Variants in CLVS1 observed in about 807,000 individuals in gnomAD.
The protein encoded by CLVS1 is clavesin-1.
Under a neutral mutation model 33.1 loss-of-function variants are expected in CLVS1, and 10 were observed. The ratio of observed to expected loss-of-function variants is 0.30; its 90% CI spans 0.19 to 0.51. The LOEUF is 0.51. Among genes scored for constraint, CLVS1 ranks in the 20% least tolerant of loss-of-function variants. CLVS1 has a pLI of 0.97. For synonymous variants in CLVS1, 163 were observed against 166.1 expected, an observed-to-expected ratio of 0.98 and a Z score of 0.14; for missense variants, 343 against 433.4, an observed-to-expected ratio of 0.79 and a Z score of 1.85.
intron 2 of CLVS1, among the ~76,000 whole-genome samples, chr8:61,163,578 A>G (rs1275703151): frequency 6.6e-6 from 1 of 152,170 alleles, no homozygotes; most frequent in African/African-American, 2.4e-5. Flanking sequence ...TGCTCCCAAG[A>G]TGGCAGCAAG....
At chr8:61,227,902 A>G (rs1262037354) in intron 2 of CLVS1, among the ~76,000 whole-genome samples, 1 of 152,234 alleles carries the variant, frequency 6.6e-6, no homozygotes, top group Non-Finnish European at 1.5e-5. Flanking sequence ...TTCATTGAAT[A>G]ATGGAGCAGC....
At chr8:61,394,258 C>T (rs1814428794) in intron 3 of CLVS1, among the ~76,000 whole-genome samples, 1 of 152,116 alleles carries the variant, frequency 6.6e-6, no homozygotes, top group Non-Finnish European at 1.5e-5. Flanking sequence ...TTATCAGTTG[C>T]TTGAGTTGGT....
intron 3 of CLVS1, among the ~76,000 whole-genome samples, chr8:61,387,345 C>T (rs777152908): frequency 2.0e-5 from 3 of 152,082 alleles, no homozygotes; most frequent in Admixed American, 6.5e-5. Flanking sequence ...CAAGATCATG[C>T]CACTGCACTC....
the CLVS1 span, among the ~76,000 whole-genome samples, chr8:60,982,959 C>A: frequency 6.6e-6 from 1 of 152,266 alleles, no homozygotes; most frequent in African/African-American, 2.4e-5. Context: ...AAACCCCCCA[C>A]ACCCCAAACT....
the CLVS1 span, among the ~76,000 whole-genome samples, chr8:60,997,825 C>G: frequency 6.6e-6 from 1 of 152,192 alleles, no homozygotes; most frequent in East Asian, 1.9e-4. Context: ...AGACTTTTTT[C>G]TTTTAAACAG....
At chr8:61,353,454 A>G (rs1782497989) in intron 2 of CLVS1, among the ~76,000 whole-genome samples, 1 of 151,994 alleles carries the variant, frequency 6.6e-6, no homozygotes, top group South Asian at 2.1e-4. Flanking sequence ...TCTATAGATC[A>G]AAGAAGAAGC....
At chr8:61,205,841 A>C (rs1807827670) in intron 2 of CLVS1, among the ~76,000 whole-genome samples, 1 of 152,080 alleles carries the variant, frequency 6.6e-6, no homozygotes, top group Non-Finnish European at 1.5e-5. Flanking sequence ...CTAAACTTAA[A>C]ATTTTTTTTA....
rs538236212 is a variant in CLVS1, at chr8:61,214,557, C to T, written c.-152+82697C>T. 1.3e-4 allele frequency among the ~76,000 whole-genome samples: 20 copies of T among 152,314 alleles called. 1 individual carries two copies. The South Asian group carries it at 3.7e-3, about 28-fold the overall frequency. ...GAAGACACAGGGAGAAGGCAGCCAT[C>T]TAAAGGCCATGAAGAGAGGCCTCAG... On this transcript the variant is annotated intron_variant, in intron 2 of 2. Coordinates refer to the CLVS1 transcript ENST00000522621.
At chr8:61,259,207 C>G (rs993357900) in intron 2 of CLVS1, among the ~76,000 whole-genome samples, 2 of 152,204 alleles carry the variant, frequency 1.3e-5, no homozygotes, top group Admixed American at 6.5e-5. Context: ...TGCTTAGATA[C>G]TTGGAAAGTC....
the CLVS1 span, among the ~76,000 whole-genome samples, chr8:61,027,533 A>G: frequency 8.7e-4 from 133 of 152,284 alleles, 2 homozygotes; most frequent in East Asian, 0.021. Flanking sequence ...AAGACCCTGC[A>G]TAAATTAAGT....
chr8:61,009,542 T>TTTTCATATA, the CLVS1 span, among the ~76,000 whole-genome samples: 1 of 151,744 alleles, frequency 6.6e-6, no homozygotes, highest in African/African-American at 2.4e-5. Context: ...GTTGAACTTT[T>TTTTCATATA]TTCATATATT....
chr8:61,014,828 T>C, the CLVS1 span, among the ~76,000 whole-genome samples: 1 of 152,236 alleles, frequency 6.6e-6, no homozygotes, highest in African/African-American at 2.4e-5. Flanking sequence ...AAAATAATCT[T>C]ATCTCTGTCA....
chr8:61,130,351 G>A (rs533326731), intron 1 of CLVS1, among the ~76,000 whole-genome samples: 23 of 152,104 alleles, frequency 1.5e-4, no homozygotes, highest in Middle Eastern at 3.4e-3. Flanking sequence ...AATATATTCC[G>A]TGACATCTCC....
intron 2 of CLVS1, among the ~76,000 whole-genome samples, chr8:61,213,631 G>C (rs11787039): frequency 0.05 from 7,577 of 152,116 alleles, 258 homozygotes; most frequent in African/African-American, 0.098. Flanking sequence ...ATACCCTTGT[G>C]ATTTCCTACA....
At chr8:61,133,531 C>T (rs1023059090) in intron 2 of CLVS1, among the ~76,000 whole-genome samples, 3 of 152,042 alleles carry the variant, frequency 2.0e-5, no homozygotes, top group African/African-American at 7.2e-5. Context: ...GGGGCCAGAT[C>T]AAAGGACCTT....
intron 2 of CLVS1, among the ~76,000 whole-genome samples, chr8:61,133,123 C>A (rs976009850): frequency 4.6e-5 from 7 of 152,200 alleles, no homozygotes. Flanking sequence ...GGGCCAGATG[C>A]TCTGCCTGGT....
intron 2 of CLVS1, among the ~76,000 whole-genome samples, chr8:61,358,881 A>T (rs902171469): frequency 6.6e-6 from 1 of 152,124 alleles, no homozygotes; most frequent in Non-Finnish European, 1.5e-5. Flanking sequence ...AGTATATTTA[A>T]ATGTATATTT....
chr8:61,096,047 T>C (rs1194700956), intron 1 of CLVS1, among the ~76,000 whole-genome samples: 1 of 152,240 alleles, frequency 6.6e-6, no homozygotes, highest in Non-Finnish European at 1.5e-5. Flanking sequence ...CAAGTCTTGA[T>C]TGGCTATGAC....
chr8:61,255,318 G>A (rs1463363307), intron 2 of CLVS1, among the ~76,000 whole-genome samples: 1 of 152,116 alleles, frequency 6.6e-6, no homozygotes, highest in Admixed American at 6.6e-5. Context: ...TCTTTTGAGA[G>A]AATTCTGGTA....
Sources: gnomAD v4.1 joint callset for allele counts (sites outside exome capture counted in the v4.1 genomes callset) on GRCh38, gnomAD v4.1.1 for gene constraint, MANE v1.5 for transcripts, NCBI Gene and HGNC (gene_info 2026-07-23, HGNC 2026-07-21) for gene names.